Variants in KLHL12 observed in about 807,000 individuals in gnomAD.
The protein encoded by KLHL12 is kelch like family member 12, also known as kelch-like protein 12.
In KLHL12, 17 loss-of-function variants were observed where a neutral mutation model predicts 60.8. That is an observed-to-expected ratio of 0.28 (90% CI 0.19 to 0.42). The LOEUF (loss-of-function observed/expected upper bound fraction) is 0.42, where lower values mean the gene tolerates loss of function less well. KLHL12 is among the 10% of genes least tolerant of loss of function. The pLI is 1.00. For missense variants in KLHL12, 468 were observed against 722.3 expected, an observed-to-expected ratio of 0.65 and a Z score of 4.04; for synonymous variants, 220 against 250.9, an observed-to-expected ratio of 0.88 and a Z score of 1.16.
chr1:202,928,274 CAAAAAAAAAAAAAAG>C (rs1653713433), upstream of KLHL12, among the ~76,000 whole-genome samples: 1 of 123,850 alleles, frequency 8.1e-6, no homozygotes, highest in South Asian at 2.5e-4. Context: ...GACTCCGTCT[CAAAAAAAAAAAAAAG>C]AAAAAAGAAA....
chr1:202,906,400 A>C (rs1571526083), intron 6 of KLHL12, among the ~76,000 whole-genome samples: 1 of 142,664 alleles, frequency 7.0e-6, no homozygotes, highest in South Asian at 2.4e-4. Context: ...GGTTGCAGTG[A>C]GCAAAGATTA....
Position 202,918,300 on chromosome 1 carries a change from A to G in KLHL12, c.438T>C (p.Asn146=), listed in dbSNP as rs564593442. 2 of 1,614,026 alleles carry G rather than the reference A, an allele frequency of 1.2e-6. No individual in the cohort carries two copies. The highest frequency in any genetic ancestry group is 1.7e-6 in the Non-Finnish European group (2 of 1,180,006). ...LGIRDFAETH[N]CVDLMQAAEV... is the part of the protein sequence containing the mutation. The stretch of plus-strand genomic sequence containing the variant: ...CAGCTGCTTGCATCAGGTCAACACA[A>G]TTGTGGGTTTCAGCAAAATCCCTAA... The change falls in exon 4 of 12, where the codon AAT becomes AAC. Residue 146 remains asparagine, a synonymous_variant. Coordinates refer to ENST00000367261, the MANE Select transcript of KLHL12 (RefSeq NM_021633.4).
At chr1:202,926,283 A>T (rs570602915) in intron 1 of KLHL12, among the ~76,000 whole-genome samples, 12 of 152,294 alleles carry the variant, frequency 7.9e-5, no homozygotes, top group African/African-American at 2.9e-4. Flanking sequence ...CGATATTGGA[A>T]TCCAAAACTT....
At chr1:202,907,979 CAACT>C (rs1433195136) in intron 6 of KLHL12, among the ~76,000 whole-genome samples, 32 of 152,110 alleles carry the variant, frequency 2.1e-4, no homozygotes, top group East Asian at 1.9e-4. Context: ...GCTTAATTAT[CAACT>C]AACACCTTAG....
chr1:202,912,518 G>A (rs1660396308), intron 4 of KLHL12: 1 of 981,834 alleles, frequency 1.0e-6, no homozygotes, highest in Non-Finnish European at 1.6e-6. Flanking sequence ...TGGTAATGAT[G>A]GAAGCAATTT....
At chr1:202,912,439 T>C (rs1156233421) in intron 4 of KLHL12, 1 of 839,818 alleles carries the variant, frequency 1.2e-6, no homozygotes, top group Non-Finnish European at 2.0e-6. Context: ...GTGGAGGTGG[T>C]TTCGGTTGGC....
At chr1:202,921,912 C>T (rs1017008580) in intron 2 of KLHL12, among the ~76,000 whole-genome samples, 1 of 152,084 alleles carries the variant, frequency 6.6e-6, no homozygotes, top group Admixed American at 6.6e-5. Flanking sequence ...AAAATCAATC[C>T]CTAACACTAA....
intron 11 of KLHL12, 81 bp from the exon 12 acceptor site, chr1:202,892,740 GC>G: frequency 1.4e-6 from 2 of 1,476,836 alleles, no homozygotes; most frequent in Non-Finnish European, 1.9e-6. Flanking sequence ...TATGCAGGAG[GC>G]TGAGGTAAGA....
At chr1:202,919,690 C>G in intron 3 of KLHL12, 65 bp downstream of exon 3, 1 of 1,447,180 alleles carries the variant, frequency 6.9e-7, no homozygotes, top group Non-Finnish European at 9.4e-7. Flanking sequence ...TAAGTTTACA[C>G]TATTAATTTT....
At position 202,894,210 on chromosome 1, in the gene KLHL12, A is replaced by G; in HGVS notation, c.1367T>C (p.Val456Ala). 1 of 1,556,354 alleles carries G rather than the reference A, an allele frequency of 6.4e-7. No individual in the cohort carries two copies. The highest frequency in any genetic ancestry group is 8.7e-7 in the Non-Finnish European group (1 of 1,148,574). ...AGAACGCTTGGTGGCCATTGGTGTA[A>G]CATTAGTCCAATGTCCTGTATGAGG... ...YDPHTGHWTN[V>A]TPMATKRSGA... The change falls in exon 10 of 12, where the codon GTT becomes GCT. Residue 456 changes from valine to alanine, a missense_variant. By Grantham distance (64) the Val-to-Ala change is moderately conservative. Transcript: ENST00000367261.
At chr1:202,905,228 C>T (rs1380343884) in intron 6 of KLHL12, among the ~76,000 whole-genome samples, 5 of 152,178 alleles carry the variant, frequency 3.3e-5, no homozygotes, top group Admixed American at 1.3e-4. Flanking sequence ...AGCAGGAGCC[C>T]CTTCTGCTGC....
intron 4 of KLHL12, chr1:202,912,582 A>G: frequency 7.9e-7 from 1 of 1,260,838 alleles, no homozygotes; most frequent in Non-Finnish European, 1.1e-6. Flanking sequence ...CAGTCTTCAA[A>G]TTTTGGACCC....
chr1:202,927,370 C>T (rs1225061466), upstream of KLHL12: 9 of 692,268 alleles, frequency 1.3e-5, no homozygotes, highest in Non-Finnish European at 1.6e-5. Flanking sequence ...CTGTACGCTG[C>T]TAGGAAGCCG....
chr1:202,921,152 A>G (rs1272542081), intron 2 of KLHL12, among the ~76,000 whole-genome samples: 2 of 149,962 alleles, frequency 1.3e-5, no homozygotes, highest in Non-Finnish European at 3.0e-5. Context: ...CTGGGATTAC[A>G]GGAGTACACC....
intron 6 of KLHL12, among the ~76,000 whole-genome samples, chr1:202,903,530 G>A (rs1557989887): frequency 6.8e-6 from 1 of 147,226 alleles, no homozygotes; most frequent in Non-Finnish European, 1.5e-5. Flanking sequence ...TGCAATTATG[G>A]TTCACTGCAG....
At position 202,901,583 on chromosome 1, in the gene KLHL12, T is replaced by G. The variant is rs1043698047; in HGVS notation, c.833-4623A>C. Among the ~76,000 whole-genome samples the G allele has an allele frequency of 4.6e-5, 7 of 152,186 alleles. No homozygotes were observed. The South Asian group carries it at 1.5e-3, about 32-fold the overall frequency. On this transcript the variant is annotated intron_variant, in intron 6 of 11. Coordinates refer to ENST00000367261, the MANE Select transcript of KLHL12 (RefSeq NM_021633.4). The stretch of plus-strand genomic sequence containing the variant: ...TCCCAAAGTGCTGGGATTACAGACA[T>G]GAGCCACTGTACCAGCCACTCAGGG...
At chr1:202,917,340 A>G (rs1174134890) in intron 4 of KLHL12, among the ~76,000 whole-genome samples, 4 of 152,104 alleles carry the variant, frequency 2.6e-5, no homozygotes, top group African/African-American at 9.7e-5. Context: ...TCAGCCTCTC[A>G]AGTAGCTGGG....
chr1:202,901,994 CATATA>C (rs1660021142), intron 6 of KLHL12, among the ~76,000 whole-genome samples: 1 of 152,012 alleles, frequency 6.6e-6, no homozygotes, highest in African/African-American at 2.4e-5. Context: ...GATTATAAAA[CATATA>C]ATATACATTT....
intron 6 of KLHL12, among the ~76,000 whole-genome samples, chr1:202,908,144 A>G (rs1660252167): frequency 6.6e-6 from 1 of 152,210 alleles, no homozygotes; most frequent in East Asian, 1.9e-4. Context: ...GGAAGTGGAA[A>G]GTATGGTGAT....
Sources: gnomAD v4.1 joint callset for allele counts (sites outside exome capture counted in the v4.1 genomes callset) on GRCh38, gnomAD v4.1.1 for gene constraint, MANE v1.5 for transcripts, NCBI Gene and HGNC (gene_info 2026-07-23, HGNC 2026-07-21) for gene names.